The following MAML3 variants were observed in gnomAD, a reference collection of about 807,000 sequenced individuals.
MAML3 encodes mastermind-like protein 3.
Under a neutral mutation model 101.9 loss-of-function variants are expected in MAML3, and 27 were observed. The observed-to-expected ratio is 0.27, with a 90% CI of 0.20 to 0.37. The LOEUF (loss-of-function observed/expected upper bound fraction) is 0.37, where lower values mean the gene tolerates loss of function less well. Ranked by LOEUF, MAML3 falls within the 10% of genes least tolerant of loss-of-function variation. The pLI, the probability that MAML3 is intolerant of heterozygous loss-of-function variation, is 1.00. For missense variants in MAML3, 1,316 were observed against 1,444.9 expected (o/e 0.91, Z 1.45); for synonymous variants, 501 against 555.9 (o/e 0.90, Z 1.39).
intron 1 of MAML3, among the ~76,000 whole-genome samples, chr4:140,046,157 G>A (rs557064242): frequency 1.3e-5 from 2 of 152,320 alleles, no homozygotes; most frequent in Admixed American, 6.5e-5. Context: ...ATGAGGTCAT[G>A]TTACTAGTTC....
intron 1 of MAML3, among the ~76,000 whole-genome samples, chr4:140,037,495 G>T (rs1370279861): frequency 1.3e-5 from 2 of 152,126 alleles, no homozygotes; most frequent in South Asian, 2.1e-4. Context: ...AACATGAAAA[G>T]AAAATACAAA....
In MAML3 at chr4:139,823,020, A is replaced by G. The variant is rs79087913; in HGVS notation, c.2079+66337T>C. On this transcript the variant is annotated intron_variant, in intron 2 of 4. Transcript: ENST00000509479. ...ACATGACAGGAGGAAAAAAACACAT[A>G]GCTTTAAGATGAATGAAATAGACCA... Among the ~76,000 whole-genome samples the G allele has an allele frequency of 3.0e-3, 463 of 152,340 alleles. 3 individuals are homozygous for G. The highest frequency in any genetic ancestry group is 0.011 in the African/African-American group (451 of 41,574).
At chr4:139,796,694 A>G (rs1303432563) in intron 2 of MAML3, among the ~76,000 whole-genome samples, 2 of 152,246 alleles carry the variant, frequency 1.3e-5, no homozygotes, top group African/African-American at 4.8e-5. Context: ...AATACCTAAT[A>G]TGATATAATG....
At chr4:139,902,196 C>A (rs1413848924) in intron 1 of MAML3, among the ~76,000 whole-genome samples, 1 of 152,168 alleles carries the variant, frequency 6.6e-6, no homozygotes, top group Non-Finnish European at 1.5e-5. Context: ...TTTCCAGTTT[C>A]TCTCATTCTC....
At chr4:139,841,071 A>G (rs1038265361) in intron 2 of MAML3, among the ~76,000 whole-genome samples, 5 of 152,228 alleles carry the variant, frequency 3.3e-5, no homozygotes, top group Admixed American at 1.3e-4. Flanking sequence ...GAACCAAAAG[A>G]TATGTGGCTT....
At chr4:140,082,059 A>G (rs577170006) in intron 1 of MAML3, among the ~76,000 whole-genome samples, 8 of 152,244 alleles carry the variant, frequency 5.3e-5, no homozygotes, top group South Asian at 4.1e-4. Flanking sequence ...TAAAACACAC[A>G]CTCAGTCTTT....
intron 1 of MAML3, among the ~76,000 whole-genome samples, chr4:139,921,229 A>C (rs1733125066): frequency 6.6e-6 from 1 of 152,150 alleles, no homozygotes; most frequent in African/African-American, 2.4e-5. Flanking sequence ...ACTCACATCC[A>C]GACTCCAAGT....
intron 1 of MAML3, among the ~76,000 whole-genome samples, chr4:139,944,095 C>T (rs1391714463): frequency 6.6e-6 from 1 of 151,978 alleles, no homozygotes; most frequent in African/African-American, 2.4e-5. Context: ...TGGTCTCGAT[C>T]TGCTGACCTA....
chr4:140,087,165 A>T (rs565324279), intron 1 of MAML3, among the ~76,000 whole-genome samples: 1 of 152,298 alleles, frequency 6.6e-6, no homozygotes, highest in Non-Finnish European at 1.5e-5. Flanking sequence ...CTCAAAAAAG[A>T]AAATACAAAA....
Position 139,725,836 on chromosome 4 carries a change from C to T in MAML3, c.2332-1G>A, listed in dbSNP as rs1318665698. 2.5e-6 allele frequency: 4 copies of T among 1,613,672 alleles called. No homozygotes were observed. Among genetic ancestry groups the T allele is most frequent in the Non-Finnish European group, 3.4e-6 (4 of 1,179,664 alleles). ...GGGGTAGATGTGATTGCTGCAACTGCTAGAACAACAGAACACAAGAGGGGT... is the reference window on the plus strand; with the variant it reads ...GGGGTAGATGTGATTGCTGCAACTGTTAGAACAACAGAACACAAGAGGGGT... On this transcript the variant is annotated splice_acceptor_variant, in intron 3 of 4. Transcript: ENST00000509479. LOFTEE classifies it high-confidence loss of function.
intron 2 of MAML3, chr4:139,740,721 T>G (rs957903740): frequency 1.3e-5 from 2 of 152,220 alleles, no homozygotes; most frequent in African/African-American, 2.4e-5. Flanking sequence ...CGCTGCCAAA[T>G]GGAGCTCTCT....
At chr4:140,032,681 T>G (rs1188853488) in intron 1 of MAML3, among the ~76,000 whole-genome samples, 2 of 152,138 alleles carry the variant, frequency 1.3e-5, no homozygotes, top group African/African-American at 4.8e-5. Context: ...GGCAGTATGT[T>G]ACCAAAAACT....
intron 2 of MAML3, among the ~76,000 whole-genome samples, chr4:139,834,898 C>T (rs1172685324): frequency 1.3e-5 from 2 of 152,202 alleles, no homozygotes; most frequent in South Asian, 2.1e-4. Flanking sequence ...GAAATAGGCC[C>T]TGATTTTATG....
At chr4:139,884,364 C>A (rs1398148405) in intron 2 of MAML3, among the ~76,000 whole-genome samples, 28 of 152,156 alleles carry the variant, frequency 1.8e-4, no homozygotes, top group Admixed American at 1.8e-3. Flanking sequence ...AAAATATGAG[C>A]ACATATACTC....
In MAML3 at chr4:139,974,850, A is replaced by C. The variant is rs140240572; in HGVS notation, c.469-83883T>G. Among the ~76,000 whole-genome samples, 577 of 152,240 alleles carry C rather than the reference A, an allele frequency of 3.8e-3. 2 individuals carry two copies. Among genetic ancestry groups the C allele is most frequent in the Non-Finnish European group, 5.6e-3 (381 of 68,002 alleles). On this transcript the variant is annotated intron_variant, in intron 1 of 4. Coordinates refer to ENST00000509479, the MANE Select transcript of MAML3 (RefSeq NM_018717.5). ...TCTGGAAAAAGAAACTTCAGCTTGG[A>C]CTTGAAGGACGGGTAGAATGTGAAA...
intron 1 of MAML3, among the ~76,000 whole-genome samples, chr4:140,148,337 C>T (rs1329725118): frequency 6.6e-6 from 1 of 152,000 alleles, no homozygotes; most frequent in Non-Finnish European, 1.5e-5. Flanking sequence ...CACTGGCTGC[C>T]CAGTACTAAA....
At chr4:140,109,333 T>A (rs1057492424) in intron 1 of MAML3, among the ~76,000 whole-genome samples, 2 of 152,212 alleles carry the variant, frequency 1.3e-5, no homozygotes, top group African/African-American at 4.8e-5. Flanking sequence ...AATTTCATGA[T>A]AATGATTTCT....
intron 1 of MAML3, among the ~76,000 whole-genome samples, chr4:140,013,261 G>A (rs1255915845): frequency 1.3e-5 from 2 of 152,132 alleles, no homozygotes; most frequent in African/African-American, 2.4e-5. Context: ...TTGCCATCTT[G>A]TCTCCCTACA....
At chr4:139,874,989 A>G (rs1254706381) in intron 2 of MAML3, among the ~76,000 whole-genome samples, 6 of 151,722 alleles carry the variant, frequency 4.0e-5, no homozygotes, top group Non-Finnish European at 7.4e-5. Flanking sequence ...ATTTTTAGTA[A>G]AGATGGGGTT....
Sources: allele counts gnomAD v4.1 joint callset (sites outside exome capture counted in the v4.1 genomes callset), GRCh38; gene constraint gnomAD v4.1.1; transcripts MANE v1.5; gene names NCBI Gene and HGNC (gene_info 2026-07-23, HGNC 2026-07-21).